Variants in CNTNAP2 observed in about 807,000 individuals in gnomAD.
CNTNAP2 encodes the protein contactin associated protein 2.
In CNTNAP2, 98 loss-of-function variants were observed where a neutral mutation model predicts 155.2. The ratio of observed to expected loss-of-function variants is 0.63; its 90% CI spans 0.54 to 0.75. The LOEUF is 0.75. Among genes scored for constraint, CNTNAP2 ranks in the 30% least tolerant of loss-of-function variants. CNTNAP2 has a pLI of 0.00. For missense variants in CNTNAP2, 1,727 were observed against 1,688.1 expected, an observed-to-expected ratio of 1.02 and a Z score of -0.40; for synonymous variants, 651 against 631.2, an observed-to-expected ratio of 1.03 and a Z score of -0.47.
chr7:147,585,021 G>A (rs1305186323), intron 12 of CNTNAP2, among the ~76,000 whole-genome samples: 1 of 152,146 alleles, frequency 6.6e-6, no homozygotes, highest in Non-Finnish European at 1.5e-5. Context: ...GTCTGCTAGG[G>A]CACATCAGTC....
At chr7:146,892,972 A>G (rs1795809953) in intron 3 of CNTNAP2, among the ~76,000 whole-genome samples, 2 of 152,228 alleles carry the variant, frequency 1.3e-5, no homozygotes, top group Admixed American at 6.5e-5. Context: ...GTAAACATAT[A>G]TAAATTCATA....
At chr7:148,321,505 T>C (rs1357361440) in intron 21 of CNTNAP2, among the ~76,000 whole-genome samples, 5 of 152,328 alleles carry the variant, frequency 3.3e-5, no homozygotes, top group African/African-American at 7.2e-5. Flanking sequence ...GGGTCAGATT[T>C]ATCAAACAAG....
chr7:146,911,102 T>C (rs923070293), intron 3 of CNTNAP2, among the ~76,000 whole-genome samples: 22 of 152,160 alleles, frequency 1.4e-4, no homozygotes, highest in Admixed American at 1.1e-3. Context: ...AAAACCACTA[T>C]GAGATATCAT....
chr7:146,680,652 C>G (rs992812796), intron 1 of CNTNAP2, among the ~76,000 whole-genome samples: 5 of 152,206 alleles, frequency 3.3e-5, no homozygotes, highest in African/African-American at 1.2e-4. Context: ...TGTGACTTGA[C>G]TTTATGAGTG....
intron 16 of CNTNAP2, among the ~76,000 whole-genome samples, chr7:148,144,110 A>G (rs902641668): frequency 1.3e-5 from 2 of 152,220 alleles, no homozygotes; most frequent in Admixed American, 6.5e-5. Flanking sequence ...AAAAATCTCC[A>G]TGGGTCTCTT....
intron 1 of CNTNAP2, among the ~76,000 whole-genome samples, chr7:146,282,456 G>T (rs1210819099): frequency 1.3e-5 from 2 of 152,190 alleles, no homozygotes; most frequent in African/African-American, 4.8e-5. Context: ...TTGGATAATT[G>T]TTAAAACAGG....
At chr7:147,409,531 C>G (rs998730429) in intron 10 of CNTNAP2, among the ~76,000 whole-genome samples, 7 of 152,070 alleles carry the variant, frequency 4.6e-5, no homozygotes, top group African/African-American at 1.7e-4. Context: ...AATTGCAACA[C>G]AAGCAAAATT....
chr7:146,825,004 G>C (rs1386955524), intron 2 of CNTNAP2, among the ~76,000 whole-genome samples: 1 of 151,824 alleles, frequency 6.6e-6, no homozygotes, highest in Non-Finnish European at 1.5e-5. Context: ...TGATATCTCT[G>C]TGTTTATGAA....
At chr7:147,527,877 G>C (rs1230843904) in intron 11 of CNTNAP2, among the ~76,000 whole-genome samples, 1 of 152,238 alleles carries the variant, frequency 6.6e-6, no homozygotes, top group Non-Finnish European at 1.5e-5. Flanking sequence ...GAAAGCCCAA[G>C]TGAAGGAGTG....
At chr7:146,931,722 C>T (rs1016578526) in intron 3 of CNTNAP2, among the ~76,000 whole-genome samples, 37 of 149,032 alleles carry the variant, frequency 2.5e-4, no homozygotes, top group Admixed American at 6.0e-4. Context: ...AGAGAAGAAT[C>T]AAATAGACAC....
chr7:146,271,869 T>C (rs1800087731), intron 1 of CNTNAP2, among the ~76,000 whole-genome samples: 1 of 152,204 alleles, frequency 6.6e-6, no homozygotes, highest in Non-Finnish European at 1.5e-5. Flanking sequence ...ATAAATATTT[T>C]ACAATTTTTA....
At chr7:147,078,135 AAG>A (rs1262889502) in intron 4 of CNTNAP2, among the ~76,000 whole-genome samples, 1 of 152,190 alleles carries the variant, frequency 6.6e-6, no homozygotes, top group Non-Finnish European at 1.5e-5. Context: ...CATCAGCACA[AAG>A]AGAGGATCGC....
intron 17 of CNTNAP2, among the ~76,000 whole-genome samples, chr7:148,165,150 G>C (rs909198122): frequency 3.3e-5 from 5 of 152,180 alleles, no homozygotes; most frequent in South Asian, 2.1e-4. Context: ...TCCAAGATCA[G>C]TGTGTCCGTA....
intron 1 of CNTNAP2, among the ~76,000 whole-genome samples, chr7:146,227,078 TAG>T (rs1350038797): frequency 6.6e-6 from 1 of 152,066 alleles, no homozygotes; most frequent in Non-Finnish European, 1.5e-5. Context: ...TAGATAGGCA[TAG>T]AGAGACAGAT....
intron 1 of CNTNAP2, among the ~76,000 whole-genome samples, chr7:146,441,548 T>C (rs1796321260): frequency 6.6e-6 from 1 of 151,516 alleles, no homozygotes; most frequent in African/African-American, 2.5e-5. Context: ...CATCCATGGA[T>C]GTCAGTGTCT....
In CNTNAP2 at chr7:147,962,845, G is replaced by A. The variant is rs566998801; in HGVS notation, c.2256-15017G>A. 6.6e-5 allele frequency among the ~76,000 whole-genome samples: 10 copies of A among 152,238 alleles called. No homozygotes were observed. The East Asian group carries it at 1.7e-3, about 26-fold the overall frequency. Reference sequence around the variant, plus strand: ...TTGCCCAACATACAAAGAGGACATAGAAGGTAAACAGTTTAACATCAGAGT... The same window carrying A: ...TTGCCCAACATACAAAGAGGACATAAAAGGTAAACAGTTTAACATCAGAGT... On this transcript the variant is annotated intron_variant, in intron 14 of 23. Coordinates refer to ENST00000361727, the MANE Select transcript of CNTNAP2 (RefSeq NM_014141.6).
chr7:146,680,018 T>C (rs1800473643), intron 1 of CNTNAP2, among the ~76,000 whole-genome samples: 1 of 152,216 alleles, frequency 6.6e-6, no homozygotes, highest in South Asian at 2.1e-4. Flanking sequence ...AAAATACATA[T>C]GTAGAACATG....
At chr7:146,624,343 T>C (rs374670010) in intron 1 of CNTNAP2, among the ~76,000 whole-genome samples, 169 of 152,142 alleles carry the variant, frequency 1.1e-3, no homozygotes, top group African/African-American at 3.7e-3. Context: ...AGAAAATCCA[T>C]TTTATTCTAA....
chr7:146,738,848 T>A (rs931321865), intron 1 of CNTNAP2, among the ~76,000 whole-genome samples: 1 of 151,766 alleles, frequency 6.6e-6, no homozygotes, highest in East Asian at 1.9e-4. Context: ...TCTGTTTTTT[T>A]TTTTTCATAA....
Sources: allele counts gnomAD v4.1 joint callset (sites outside exome capture counted in the v4.1 genomes callset), GRCh38; gene constraint gnomAD v4.1.1; transcripts MANE v1.5; gene names NCBI Gene and HGNC (gene_info 2026-07-23, HGNC 2026-07-21).